Variants in CEP170 observed in about 807,000 individuals in gnomAD.
CEP170 encodes centrosomal protein of 170 kDa.
A neutral mutation model predicts 151.9 loss-of-function variants in CEP170; 21 were observed. The ratio of observed to expected loss-of-function variants is 0.14; its 90% CI spans 0.10 to 0.20. The LOEUF (loss-of-function observed/expected upper bound fraction) is 0.20. CEP170 is among the 10% of genes least tolerant of loss of function. CEP170 has a pLI of 1.00. For synonymous variants in CEP170, 356 were observed against 648.8 expected (o/e 0.55, Z 6.86); for missense variants, 964 against 1,892.9 (o/e 0.51, Z 9.11).
Position 243,209,685 on chromosome 1 carries a change from G to GT in CEP170, c.274+2200dup, listed in dbSNP as rs201523372. ...ATAATTTCTGCCACTATAACAGATG[G>GT]TTTTTTTTTTTTGAGACGGAGTCTG... is the stretch of plus-strand genomic sequence containing the variant. On this transcript the variant is annotated intron_variant, in intron 4 of 19. Coordinates refer to ENST00000366542, the MANE Select transcript of CEP170 (RefSeq NM_014812.3). Among the ~76,000 whole-genome samples the GT allele has an allele frequency of 6.7e-3, 964 of 143,016 alleles. 6 individuals are homozygous for GT. The highest frequency in any genetic ancestry group is 0.016 in the African/African-American group (629 of 39,356). The allele number at this position is 143,016 out of a possible 152,430, so 93.8% of individuals were successfully genotyped here.
intron 12 of CEP170, chr1:243,166,706 A>G (rs1197564548): frequency 2.6e-5 from 4 of 152,420 alleles, no homozygotes; most frequent in African/African-American, 9.6e-5. Context: ...GATGAAAATT[A>G]GAGTCATCTG....
At chr1:243,153,953 T>C (rs2057339817) in intron 14 of CEP170, among the ~76,000 whole-genome samples, 1 of 152,278 alleles carries the variant, frequency 6.6e-6, no homozygotes, top group Admixed American at 6.5e-5. Flanking sequence ...GAAGTCAATA[T>C]CTGTTTTCAT....
intron 8 of CEP170, among the ~76,000 whole-genome samples, chr1:243,189,402 A>G (rs1190901592): frequency 6.6e-6 from 1 of 151,954 alleles, no homozygotes; most frequent in African/African-American, 2.4e-5. Context: ...TAAAAATAAA[A>G]AAAATTAGCC....
chr1:243,166,191 G>C (rs1376856719), intron 12 of CEP170, 75 bp from the exon 13 acceptor site: 5 of 1,529,388 alleles, frequency 3.3e-6, no homozygotes, highest in Non-Finnish European at 3.5e-6. Context: ...TCATACAGTT[G>C]TCTGTCAGTA....
At position 243,222,890 on chromosome 1, in the gene CEP170, C is replaced by A. The variant is rs116737499; in HGVS notation, c.106-1077G>T. Among the ~76,000 whole-genome samples, 1,014 of 152,228 alleles carry A rather than the reference C, an allele frequency of 6.7e-3. 13 individuals are homozygous for A. Among genetic ancestry groups the A allele is most frequent in the African/African-American group, 0.023 (963 of 41,520 alleles). ...CCGCTAGAAACAGCAACCAGTAGGA[C>A]AACTTAAAGGTGAAGTGATTAATTG... On this transcript the variant is annotated intron_variant, in intron 2 of 19. Transcript: ENST00000366542.
chr1:243,138,824 T>A (rs2055448299), intron 16 of CEP170, among the ~76,000 whole-genome samples: 1 of 152,190 alleles, frequency 6.6e-6, no homozygotes, highest in South Asian at 2.1e-4. Flanking sequence ...CTTGTACATA[T>A]ACTAGCAAGA....
rs1244874590 is a variant in CEP170, at chr1:243,165,743, A to G, written c.2217T>C (p.Ser739=). 1.2e-6 allele frequency: 2 copies of G among 1,614,060 alleles called. No individual in the cohort carries two copies. The highest frequency in any genetic ancestry group is 1.7e-6 in the Non-Finnish European group (2 of 1,179,900). ...GTTTTGCTAATGTTTGCTTTACCAA[A>G]GAAGTTTCCTTATCAGTTTCACTTT... ...KEKSETDKET[S]LVKQTLAKLQ... Residue 739 remains serine, a synonymous_variant, in exon 13 of 20, where the codon TCT becomes TCC. Transcript: ENST00000366542.
chr1:243,190,875 C>T, intron 8 of CEP170, 143 bp downstream of exon 8: 1 of 1,310,904 alleles, frequency 7.6e-7, no homozygotes, highest in Non-Finnish European at 1.0e-6. Flanking sequence ...GTGTAGCTTC[C>T]TGTTTAGTTT....
intron 13 of CEP170, among the ~76,000 whole-genome samples, chr1:243,158,870 C>A (rs2057800032): frequency 6.6e-6 from 1 of 151,794 alleles, no homozygotes; most frequent in African/African-American, 2.4e-5. Flanking sequence ...AGATCGGGAC[C>A]CTCCTGGCCA....
chr1:243,248,031 C>G (rs1241617404), intron 1 of CEP170, among the ~76,000 whole-genome samples: 2 of 152,238 alleles, frequency 1.3e-5, no homozygotes, highest in Non-Finnish European at 2.9e-5. Flanking sequence ...AGCTGCCATA[C>G]TCATCCACGT....
At chr1:243,143,219 C>A (rs2056081083) in intron 14 of CEP170, among the ~76,000 whole-genome samples, 1 of 152,004 alleles carries the variant, frequency 6.6e-6, no homozygotes, top group South Asian at 2.1e-4. Context: ...TGCACTCTTT[C>A]GTAGAGCACT....
chr1:243,144,880 C>T (rs1294798427), intron 14 of CEP170, among the ~76,000 whole-genome samples: 1 of 152,120 alleles, frequency 6.6e-6, no homozygotes, highest in African/African-American at 2.4e-5. Context: ...TAGCATTAGT[C>T]CTAGTCTTTA....
chr1:243,240,756 G>A (rs1052875966), intron 1 of CEP170, among the ~76,000 whole-genome samples: 1 of 151,910 alleles, frequency 6.6e-6, no homozygotes, highest in Non-Finnish European at 1.5e-5. Context: ...GCAATGGCAC[G>A]ATCTCAGCTC....
At chr1:243,232,042 C>A (rs1558662868) in intron 1 of CEP170, among the ~76,000 whole-genome samples, 1 of 152,104 alleles carries the variant, frequency 6.6e-6, no homozygotes, top group Non-Finnish European at 1.5e-5. Context: ...CAGCACACTG[C>A]AACCTCCACC....
chr1:243,232,888 T>A (rs1303925630), intron 1 of CEP170, among the ~76,000 whole-genome samples: 1 of 152,226 alleles, frequency 6.6e-6, no homozygotes, highest in Non-Finnish European at 1.5e-5. Flanking sequence ...TTTGTATCCC[T>A]TGAGCCTACC....
At chr1:243,154,188 A>G (rs2057357620) in intron 14 of CEP170, among the ~76,000 whole-genome samples, 1 of 152,292 alleles carries the variant, frequency 6.6e-6, no homozygotes, top group Admixed American at 6.5e-5. Flanking sequence ...TTCTAAACAG[A>G]AAGAGTATGC....
intron 14 of CEP170, among the ~76,000 whole-genome samples, chr1:243,144,234 T>C (rs536378410): frequency 1.6e-4 from 25 of 152,334 alleles, no homozygotes; most frequent in Admixed American, 1.6e-3. Context: ...AGTCCTCAAC[T>C]CATTTAATTC....
intron 7 of CEP170, among the ~76,000 whole-genome samples, chr1:243,191,917 C>T (rs1309393660): frequency 2.0e-5 from 3 of 152,118 alleles, no homozygotes; most frequent in Non-Finnish European, 2.9e-5. Flanking sequence ...GATGAGATAT[C>T]TGAAATATAT....
chr1:243,143,893 G>A (rs1316662863), intron 14 of CEP170, among the ~76,000 whole-genome samples: 4 of 152,148 alleles, frequency 2.6e-5, no homozygotes, highest in Non-Finnish European at 5.9e-5. Flanking sequence ...CAAAATGTGA[G>A]TTTGAAAGAC....
Sources: allele counts gnomAD v4.1 joint callset (sites outside exome capture counted in the v4.1 genomes callset), GRCh38; gene constraint gnomAD v4.1.1; transcripts MANE v1.5; gene names NCBI Gene and HGNC (gene_info 2026-07-23, HGNC 2026-07-21).